SIPA1L1: variants seen among roughly 807,000 people sequenced by gnomAD.
SIPA1L1 encodes the protein signal-induced proliferation-associated 1-like protein 1.
Under a neutral mutation model 162.7 loss-of-function variants are expected in SIPA1L1, and 26 were observed. That is an observed-to-expected ratio of 0.16 (90% CI 0.12 to 0.22). SIPA1L1 has a LOEUF of 0.22. Ranked by LOEUF, SIPA1L1 falls within the 10% of genes least tolerant of loss-of-function variation. The pLI is 1.00. For synonymous variants in SIPA1L1, 829 were observed against 837.4 expected (o/e 0.99, Z 0.17); for missense variants, 1,874 against 2,241.0 (o/e 0.84, Z 3.31).
intron 8 of SIPA1L1, among the ~76,000 whole-genome samples, chr14:71,651,849 A>G (rs957806567): frequency 2.6e-5 from 4 of 152,266 alleles, no homozygotes; most frequent in Non-Finnish European, 5.9e-5. Context: ...AATACACAAA[A>G]TAAGCACTTT....
At chr14:71,567,983 T>C (rs984250125) in intron 4 of SIPA1L1, among the ~76,000 whole-genome samples, 1 of 152,216 alleles carries the variant, frequency 6.6e-6, no homozygotes, top group Non-Finnish European at 1.5e-5. Context: ...TAATGTATTA[T>C]AATTAGCGTA....
Position 71,433,394 on chromosome 14 carries a change from A to G in SIPA1L1, c.-464-79349A>G, listed in dbSNP as rs117089795. Among the ~76,000 whole-genome samples, 1,336 of 152,302 alleles carry G rather than the reference A, an allele frequency of 8.8e-3. 12 individuals carry two copies. The highest frequency in any genetic ancestry group is 0.035 in the South Asian group (169 of 4,828). On this transcript the variant is annotated intron_variant, in intron 2 of 23. Transcript: ENST00000381232. ...TGCAGTAGTGCAATCACAGTTCACC[A>G]TGGCCTCAACCTCTCGGGCTCAAGC... is the stretch of plus-strand genomic sequence containing the variant.
intron 4 of SIPA1L1, among the ~76,000 whole-genome samples, chr14:71,544,112 TAC>T (rs1466945806): frequency 5.5e-5 from 8 of 144,658 alleles, no homozygotes; most frequent in East Asian, 3.9e-4. Context: ...TGTATGTATA[TAC>T]ACATATATGC....
chr14:71,580,341 A>G (rs2033750601), intron 4 of SIPA1L1, among the ~76,000 whole-genome samples: 1 of 152,164 alleles, frequency 6.6e-6, no homozygotes, highest in Non-Finnish European at 1.5e-5. Flanking sequence ...AGGAAAGTAG[A>G]TGCTTCCCAG....
At chr14:71,424,218 T>C (rs111594865) in intron 2 of SIPA1L1, among the ~76,000 whole-genome samples, 152 of 152,244 alleles carry the variant, frequency 1.0e-3, no homozygotes, top group Middle Eastern at 3.4e-3. Context: ...ATATCACCTG[T>C]GGACAGAAGT....
chr14:71,606,054 G>A (rs542806159), intron 5 of SIPA1L1, among the ~76,000 whole-genome samples: 10 of 152,210 alleles, frequency 6.6e-5, no homozygotes, highest in African/African-American at 2.2e-4. Flanking sequence ...GATGGCACAT[G>A]AAACACTGGC....
At chr14:71,526,507 T>C (rs1268210220) in intron 3 of SIPA1L1, among the ~76,000 whole-genome samples, 3 of 152,230 alleles carry the variant, frequency 2.0e-5, no homozygotes, top group Non-Finnish European at 4.4e-5. Flanking sequence ...TCAGTGTTCT[T>C]GTATTAGTTA....
At chr14:71,368,312 C>T (rs1311555045) in intron 2 of SIPA1L1, among the ~76,000 whole-genome samples, 1 of 137,998 alleles carries the variant, frequency 7.2e-6, no homozygotes. Flanking sequence ...CCTCCCCGCT[C>T]CCCCCACCCC....
At chr14:71,547,890 A>G (rs1195500932) in intron 4 of SIPA1L1, among the ~76,000 whole-genome samples, 1 of 152,190 alleles carries the variant, frequency 6.6e-6, no homozygotes. Context: ...TAAAAATACA[A>G]CAACCAGCTG....
At chr14:71,339,169 G>A (rs906917157) in intron 2 of SIPA1L1, among the ~76,000 whole-genome samples, 3 of 152,114 alleles carry the variant, frequency 2.0e-5, no homozygotes, top group African/African-American at 7.2e-5. Context: ...TTCTCCTCAG[G>A]TAGGTATAGA....
intron 17 of SIPA1L1, among the ~76,000 whole-genome samples, chr14:71,713,548 G>A (rs1038464271): frequency 6.6e-6 from 1 of 152,216 alleles, no homozygotes; most frequent in Non-Finnish European, 1.5e-5. Flanking sequence ...ACTGGTTAAA[G>A]ACCAAGAAAA....
At chr14:71,730,673 A>T (rs1171112178) in intron 20 of SIPA1L1, among the ~76,000 whole-genome samples, 2 of 152,246 alleles carry the variant, frequency 1.3e-5, no homozygotes, top group African/African-American at 4.8e-5. Context: ...TGTAGCTACC[A>T]TAAGAACCCA....
At chr14:71,422,492 C>G (rs1300767585) in intron 2 of SIPA1L1, among the ~76,000 whole-genome samples, 1 of 152,120 alleles carries the variant, frequency 6.6e-6, no homozygotes, top group South Asian at 2.1e-4. Context: ...CTACCACTGC[C>G]CAGGCCCTGA....
At chr14:71,495,886 CAAAAAAAAAAAAAA>C (rs61183823) in intron 2 of SIPA1L1, among the ~76,000 whole-genome samples, 33 of 38,022 alleles carry the variant, frequency 8.7e-4, no homozygotes, top group Non-Finnish European at 1.4e-3. Context: ...TCCATCTCTA[CAAAAAAAAAAAAAA>C]AAAAAAAAAA....
At position 71,498,982 on chromosome 14, in the gene SIPA1L1, AGATTCTTCAAATGATAGGGTTTATAT is replaced by A. The variant is rs1374463487; in HGVS notation, c.-464-13756_-464-13731del. Reference sequence around the variant, plus strand: ...CATTTTGGGAAAATTAGGATACTTCAGATTCTTCAAATGATAGGGTTTATATGATTTGTCATTAACACTAATCTAAC... The same window carrying A: ...CATTTTGGGAAAATTAGGATACTTCAGATTTGTCATTAACACTAATCTAAC... On this transcript the variant is annotated intron_variant, in intron 2 of 23. Transcript: ENST00000381232. Among the ~76,000 whole-genome samples, 100 of 152,358 alleles carry A rather than the reference AGATTCTTCAAATGATAGGGTTTATAT, an allele frequency of 6.6e-4. 1 individual carries two copies. The highest frequency in any genetic ancestry group is 2.4e-3 in the African/African-American group (98 of 41,592).
intron 2 of SIPA1L1, among the ~76,000 whole-genome samples, chr14:71,324,826 C>CT: frequency 6.6e-6 from 1 of 152,074 alleles, no homozygotes; most frequent in African/African-American, 2.4e-5. Flanking sequence ...AATTTTAGAC[C>CT]TTTTTTCTCA....
At chr14:71,468,054 G>GTGTC (rs970059494) in intron 2 of SIPA1L1, among the ~76,000 whole-genome samples, 1 of 151,204 alleles carries the variant, frequency 6.6e-6, no homozygotes, top group African/African-American at 2.4e-5. Context: ...GTGTCTGTCT[G>GTGTC]TGTCTGTCTG....
intron 2 of SIPA1L1, among the ~76,000 whole-genome samples, chr14:71,426,213 A>G (rs766692688): frequency 6.6e-6 from 1 of 151,850 alleles, no homozygotes; most frequent in Non-Finnish European, 1.5e-5. Context: ...GTCTTTTTTG[A>G]TTAGAGAGTT....
chr14:71,458,053 A>T (rs910299398), intron 2 of SIPA1L1, among the ~76,000 whole-genome samples: 1 of 152,042 alleles, frequency 6.6e-6, no homozygotes, highest in Non-Finnish European at 1.5e-5. Flanking sequence ...TTTAAATATG[A>T]TGAGATCTAA....
Sources: allele counts gnomAD v4.1 joint callset (sites outside exome capture counted in the v4.1 genomes callset), GRCh38; gene constraint gnomAD v4.1.1; transcripts MANE v1.5; gene names NCBI Gene and HGNC (gene_info 2026-07-23, HGNC 2026-07-21).